KSR1: variants seen among roughly 807,000 people sequenced by gnomAD.
KSR1 encodes kinase suppressor of ras.
Under a neutral mutation model 92.9 loss-of-function variants are expected in KSR1, and 35 were observed. That is an observed-to-expected ratio of 0.38 (90% CI 0.29 to 0.50). The LOEUF is 0.50. Among genes scored for constraint, KSR1 ranks in the 20% least tolerant of loss-of-function variants. The pLI is 0.94. For missense variants in KSR1, 972 were observed against 1,158.5 expected (o/e 0.84, Z 2.34); for synonymous variants, 467 against 472.6 (o/e 0.99, Z 0.15).
rs147113962 is a variant in KSR1, at chr17:27,478,091, C to A, written c.231+21217C>A. ...GAGTTCTTCTTTCTTTAAGGACAGA[C>A]TATGTCATGACCTTTTTACCCAGAA... On this transcript the variant is annotated intron_variant, in intron 1 of 20. Transcript: ENST00000644974. 5.4e-3 allele frequency among the ~76,000 whole-genome samples: 826 copies of A among 152,328 alleles called. 3 individuals carry two copies. Among genetic ancestry groups the A allele is most frequent in the African/African-American group, 0.019 (773 of 41,570 alleles).
chr17:27,604,882 G>A (rs562652507), intron 13 of KSR1, among the ~76,000 whole-genome samples, 154 bp downstream of exon 13: 53 of 152,290 alleles, frequency 3.5e-4, no homozygotes, highest in Admixed American at 9.8e-4. Context: ...AGGGAAGAAC[G>A]ATGAGGAATG....
rs1263699012 is a variant in KSR1, at chr17:27,467,778, A to C, written c.231+10904A>C. Among the ~76,000 whole-genome samples, 5 of 150,856 alleles carry C rather than the reference A, an allele frequency of 3.3e-5. No individual in the cohort carries two copies. In the East Asian group the frequency reaches 9.7e-4, roughly 29 times the overall value. On this transcript the variant is annotated intron_variant, in intron 1 of 20. Coordinates refer to ENST00000644974, the MANE Select transcript of KSR1 (RefSeq NM_001394583.1). The stretch of plus-strand genomic sequence containing the variant: ...TTTGAGGTCAAGTTCCCTGTGCTCC[A>C]TCAGGTGAAATGCCTAGGTCTGAGT...
In KSR1 at chr17:27,582,958, G is replaced by A. The variant is rs199931533; in HGVS notation, c.833G>A (p.Arg278Gln). The change falls in exon 4 of 21, where the codon CGA (arginine) becomes CAA (glutamine). Residue 278 changes from arginine to glutamine, a missense_variant. Physicochemically the swap from Arg to Gln is conservative, Grantham distance 43. Coordinates refer to ENST00000644974, the MANE Select transcript of KSR1 (RefSeq NM_001394583.1). ...FITPPTTPQL[R>Q]RHTKLKPPRT... Reference sequence around the variant, plus strand: ...ACCCCGCCCACCACACCCCAGCTGCGACGGCACACCAAGCTGAAGCCACCA... The same window carrying A: ...ACCCCGCCCACCACACCCCAGCTGCAACGGCACACCAAGCTGAAGCCACCA... The A allele has an allele frequency of 8.1e-5, 128 of 1,586,936 alleles. No homozygotes were observed. The highest frequency in any genetic ancestry group is 9.9e-5 in the Non-Finnish European group (116 of 1,169,344).
At chr17:27,518,983 T>G (rs996884277) in intron 1 of KSR1, among the ~76,000 whole-genome samples, 1 of 152,186 alleles carries the variant, frequency 6.6e-6, no homozygotes, top group Non-Finnish European at 1.5e-5. Flanking sequence ...TTGGGTGATG[T>G]GTCTAGGGTC....
chr17:27,605,480 A>T lies in KSR1; in HGVS notation c.1661A>T (p.Asp554Val). The change falls in exon 14 of 21, where the codon GAC becomes GTC. Residue 554 changes from aspartate (D) to valine (V), a missense_variant. Asp to Val is a radical substitution (Grantham distance 152). Coordinates refer to ENST00000644974, the MANE Select transcript of KSR1 (RefSeq NM_001394583.1). ...AGKSEAEDDE[D>V]EVDDLPSSRR... is the part of the protein sequence containing the mutation. The stretch of plus-strand genomic sequence containing the variant: ...AAGTCAGAGGCAGAAGACGATGAGG[A>T]CGAGGTGGACGACTTGCCGAGCTCT... 1 of 1,608,410 alleles carries T rather than the reference A, an allele frequency of 6.2e-7. No homozygotes were observed. The highest frequency in any genetic ancestry group is 8.5e-7 in the Non-Finnish European group (1 of 1,178,264).
chr17:27,572,899 C>A (rs757210030), intron 2 of KSR1, among the ~76,000 whole-genome samples: 1 of 152,114 alleles, frequency 6.6e-6, no homozygotes, highest in Non-Finnish European at 1.5e-5. Flanking sequence ...GCCACGCGAC[C>A]GTCCTGGTAG....
At chr17:27,595,712 C>T (rs1053745271) in intron 9 of KSR1, among the ~76,000 whole-genome samples, 1 of 148,544 alleles carries the variant, frequency 6.7e-6, no homozygotes, top group Non-Finnish European at 1.5e-5. Flanking sequence ...CCTTTGCCCC[C>T]CTTTTCCATT....
intron 1 of KSR1, among the ~76,000 whole-genome samples, chr17:27,479,065 T>TATGCTCCTCCCTCCCTCC (rs2068434153): frequency 8.9e-6 from 1 of 112,770 alleles, no homozygotes. Flanking sequence ...TCCCTCCATC[T>TATGCTCCTCCCTCCCTCC]ATGCTCCTCC....
intron 2 of KSR1, among the ~76,000 whole-genome samples, chr17:27,557,028 G>C (rs534473248): frequency 6.6e-6 from 1 of 152,318 alleles, no homozygotes; most frequent in South Asian, 2.1e-4. Flanking sequence ...GGCCCCATGG[G>C]ACAGCCTGAT....
intron 2 of KSR1, 115 bp downstream of exon 2, chr17:27,550,823 G>C (rs1480798085): frequency 1.6e-6 from 1 of 636,144 alleles, no homozygotes; most frequent in Non-Finnish European, 2.9e-6. Context: ...ATGCTCTCTA[G>C]TCTTGAGAAG....
intron 1 of KSR1, among the ~76,000 whole-genome samples, chr17:27,501,537 A>T (rs1003956082): frequency 3.3e-5 from 5 of 152,022 alleles, no homozygotes; most frequent in African/African-American, 1.2e-4. Context: ...TGCTTTTTGG[A>T]GGGCAAGCCC....
chr17:27,604,765 C>G lies in KSR1; in HGVS notation c.1614+37C>G, dbSNP rs73274059. 18,293 of 1,607,618 alleles carry G rather than the reference C, an allele frequency of 0.011. 648 individuals are homozygous for G. The African/African-American group carries it at 0.12, about 11-fold the overall frequency. On this transcript the variant is annotated intron_variant, in intron 13 of 20. Coordinates refer to ENST00000644974, the MANE Select transcript of KSR1 (RefSeq NM_001394583.1). Reference sequence around the variant, plus strand: ...ACACACGTGTCCACAGATGGCCCCCCCTCTTTTTTCCCTTCCCCATCTCAG... The same window carrying G: ...ACACACGTGTCCACAGATGGCCCCCGCTCTTTTTTCCCTTCCCCATCTCAG...
At chr17:27,499,520 G>A (rs1282360420) in intron 1 of KSR1, among the ~76,000 whole-genome samples, 1 of 152,214 alleles carries the variant, frequency 6.6e-6, no homozygotes, top group Non-Finnish European at 1.5e-5. Context: ...TTTCCAGAAA[G>A]CATTATTAAA....
At chr17:27,547,597 T>C (rs1201327787) in intron 1 of KSR1, among the ~76,000 whole-genome samples, 2 of 152,222 alleles carry the variant, frequency 1.3e-5, no homozygotes, top group Non-Finnish European at 2.9e-5. Context: ...CTTTTATGAC[T>C]CTATCACAGG....
rs769406773 is a variant in KSR1 at position 27,590,835 on chromosome 17, G to A, written c.1071G>A (p.Ser357=). The change falls in exon 7 of 21, where the codon TCG becomes TCA. Residue 357 remains serine (S), a synonymous_variant. Transcript: ENST00000644974. ...THRFSTKSWL[S]QVCHVCQKSM... ...GGTTCTCCACCAAGTCCTGGCTGTC[G>A]CAGGTCTGCCACGTGTGCCAGAAGA... 6.8e-6 allele frequency: 11 copies of A among 1,611,456 alleles called. No individual in the cohort carries two copies. Among genetic ancestry groups the A allele is most frequent in the African/African-American group, 1.3e-5 (1 of 74,886 alleles).
chr17:27,617,233 C>T, intron 18 of KSR1, 62 bp from the exon 19 acceptor site: 1 of 1,543,126 alleles, frequency 6.5e-7, no homozygotes, highest in Non-Finnish European at 8.8e-7. Flanking sequence ...TGGAGCACCC[C>T]TACTGTGTGC....
rs929378962 is a variant in KSR1 at position 27,619,064 on chromosome 17, A to G, written c.2627+1636A>G. Among the ~76,000 whole-genome samples, 4 of 152,018 alleles carry G rather than the reference A, an allele frequency of 2.6e-5. No individual in the cohort carries two copies. The South Asian group carries it at 8.3e-4, about 32-fold the overall frequency. On this transcript the variant is annotated intron_variant, in intron 19 of 20. Transcript: ENST00000644974. Reference sequence around the variant, plus strand: ...CTCCCACAGAGTCCCGCTCTATAAAACCCATAAAGTGGAGCTGCTCTTGAT... The same window carrying G: ...CTCCCACAGAGTCCCGCTCTATAAAGCCCATAAAGTGGAGCTGCTCTTGAT...
In KSR1 at chr17:27,608,030, C is replaced by G. The variant is rs1415098276; in HGVS notation, c.2091+20C>G. On this transcript the variant is annotated intron_variant, in intron 15 of 20. Transcript: ENST00000644974. The stretch of plus-strand genomic sequence containing the variant: ...ATCAAGGTGAGGGGGTGCCCAGCTG[C>G]TGGGGGTGGGTTTCTGGCCGGTTCC... The G allele has an allele frequency of 6.4e-7, 1 of 1,570,700 alleles. No individual in the cohort carries two copies. The highest frequency in any genetic ancestry group is 1.8e-5 in the Admixed American group (1 of 57,004).
At chr17:27,590,631 T>C (rs1032707689) in intron 6 of KSR1, among the ~76,000 whole-genome samples, 180 bp from the exon 7 acceptor site, 10 of 152,124 alleles carry the variant, frequency 6.6e-5, no homozygotes, top group African/African-American at 1.7e-4. Flanking sequence ...TCTGGGAAAT[T>C]TAAATGTGAG....
Sources: gnomAD v4.1 joint callset for allele counts (sites outside exome capture counted in the v4.1 genomes callset) on GRCh38, gnomAD v4.1.1 for gene constraint, MANE v1.5 for transcripts, NCBI Gene and HGNC (gene_info 2026-07-23, HGNC 2026-07-21) for gene names.